The following DEPDC5 variants were observed in gnomAD, a reference collection of about 807,000 sequenced individuals.
The protein encoded by DEPDC5 is DEP domain containing 5, GATOR1 subcomplex subunit, also known as GATOR1 complex protein DEPDC5.
Under a neutral mutation model 217.3 loss-of-function variants are expected in DEPDC5, and 73 were observed. The ratio of observed to expected loss-of-function variants is 0.34; its 90% confidence interval spans 0.28 to 0.41. The LOEUF is 0.41. DEPDC5 is among the 10% of genes least tolerant of loss of function. The pLI is 1.00. For synonymous variants in DEPDC5, 733 were observed against 756.7 expected (o/e 0.97, Z 0.51); for missense variants, 1,675 against 2,070.1 (o/e 0.81, Z 3.70).
intron 38 of DEPDC5, among the ~76,000 whole-genome samples, chr22:31,886,967 C>CGT (rs2093330909): frequency 6.6e-6 from 1 of 151,756 alleles, no homozygotes; most frequent in Non-Finnish European, 1.5e-5. Context: ...CCTGTAATCC[C>CGT]AGCTACTCGG....
At chr22:31,808,435 ATTATTTT>A (rs2087823724) in intron 18 of DEPDC5, among the ~76,000 whole-genome samples, 1 of 148,236 alleles carries the variant, frequency 6.7e-6, no homozygotes, top group East Asian at 2.0e-4. Context: ...TAATTTTTGT[ATTATTTT>A]TTATTTTTTT....
At chr22:31,905,697 C>T (rs921784786) in intron 41 of DEPDC5, among the ~76,000 whole-genome samples, 2 of 151,778 alleles carry the variant, frequency 1.3e-5, no homozygotes, top group African/African-American at 2.4e-5. Context: ...AGAGTGCAGC[C>T]GGTGGGAAGG....
At chr22:31,893,887 CT>C (rs1361969283) in intron 39 of DEPDC5, 136 bp downstream of exon 39, 6 of 1,035,270 alleles carry the variant, frequency 5.8e-6, no homozygotes, top group East Asian at 3.2e-5. Flanking sequence ...TTGGAGTAAC[CT>C]TTTTAAAAAA....
chr22:31,783,795 A>T, intron 8 of DEPDC5, 112 bp from the exon 9 acceptor site: 1 of 838,272 alleles, frequency 1.2e-6, no homozygotes, highest in Non-Finnish European at 1.8e-6. Context: ...ATAGTTCAAT[A>T]GTGTTAAGAA....
chr22:31,844,891 G>C, intron 29 of DEPDC5, 127 bp from the exon 30 acceptor site: 1 of 930,780 alleles, frequency 1.1e-6, no homozygotes, highest in Non-Finnish European at 1.7e-6. Context: ...ATGAGCTGTA[G>C]CATCAAATGA....
At chr22:31,836,617 T>C (rs2148948251) in intron 25 of DEPDC5, among the ~76,000 whole-genome samples, 1 of 152,284 alleles carries the variant, frequency 6.6e-6, no homozygotes, top group African/African-American at 2.4e-5. Context: ...GGCTCGTGCT[T>C]GGGCCTCCCT....
intron 21 of DEPDC5, chr22:31,815,538 C>T (rs1354483980): frequency 1.6e-6 from 1 of 628,834 alleles, no homozygotes; most frequent in Non-Finnish European, 2.8e-6. Flanking sequence ...CATGCCACCA[C>T]ACCCAGCTGA....
intron 7 of DEPDC5, among the ~76,000 whole-genome samples, chr22:31,775,155 C>A (rs537972681): frequency 6.6e-6 from 1 of 151,972 alleles, no homozygotes; most frequent in East Asian, 1.9e-4. Context: ...CAGCATTTTC[C>A]TGGCTTTTAT....
In DEPDC5 at chr22:31,906,855, T is replaced by G; in HGVS notation, c.*358T>G. 1 of 384,914 alleles carries G rather than the reference T, an allele frequency of 2.6e-6. No homozygotes were observed. Among genetic ancestry groups the G allele is most frequent in the Non-Finnish European group, 4.8e-6 (1 of 208,324 alleles). 23.8% of individuals were successfully genotyped at this position (384,914 alleles called of 1,614,324 possible). A position where few individuals can be genotyped will look rare whatever the true frequency, so the allele number is the denominator to read the frequency against. The stretch of plus-strand genomic sequence containing the variant: ...GGGGGTGGCTCCTGGTAGCATCCTT[T>G]TCCTTCACCATCTATGGGATATTAG... On this transcript the variant is annotated 3_prime_UTR_variant, in exon 43 of 43. Coordinates refer to ENST00000651528, the MANE Select transcript of DEPDC5 (RefSeq NM_001242896.3). The surrounding 1 kb of genome is among the most constrained non-coding windows in gnomAD (Gnocchi z 5.1).
chr22:31,836,782 A>C, intron 25 of DEPDC5, 190 bp from the exon 26 acceptor site: 1 of 601,646 alleles, frequency 1.7e-6, no homozygotes, highest in Non-Finnish European at 3.0e-6. Flanking sequence ...TGTGCACTGC[A>C]TTGTCTAACA....
intron 23 of DEPDC5, 61 bp from the exon 24 acceptor site, chr22:31,822,632 G>A (rs1042974354): frequency 6.5e-7 from 1 of 1,541,712 alleles, no homozygotes. Context: ...GGATATAGGT[G>A]AGCAGGAAAA....
intron 7 of DEPDC5, among the ~76,000 whole-genome samples, chr22:31,769,948 A>G (rs964399198): frequency 1.3e-5 from 2 of 150,154 alleles, no homozygotes; most frequent in African/African-American, 4.9e-5. Flanking sequence ...AAAGTATTTC[A>G]GGTGCGGTGG....
intron 38 of DEPDC5, among the ~76,000 whole-genome samples, chr22:31,883,036 C>G (rs2093218327): frequency 6.6e-6 from 1 of 152,198 alleles, no homozygotes; most frequent in Admixed American, 6.5e-5. Flanking sequence ...GCACTACTGA[C>G]ATTTTGGGCC....
chr22:31,778,089 A>T lies in DEPDC5; in HGVS notation c.414-10A>T. 1 of 1,614,030 alleles carries T rather than the reference A, an allele frequency of 6.2e-7. No homozygotes were observed. The highest frequency in any genetic ancestry group is 1.1e-5 in the South Asian group (1 of 91,084). ...AAGACTTGTAATAACTTGTGTGTGT[A>T]TTCTTTCAGAGCACAGGCTGGTGAA... On this transcript the variant is annotated splice_polypyrimidine_tract_variant and intron_variant, in intron 7 of 42. Transcript: ENST00000651528.
chr22:31,890,050 G>C (rs940509192), intron 38 of DEPDC5, among the ~76,000 whole-genome samples: 1 of 152,146 alleles, frequency 6.6e-6, no homozygotes, highest in Non-Finnish European at 1.5e-5. Flanking sequence ...GAGACCAGCA[G>C]GAACAGAAGG....
At chr22:31,885,379 C>G (rs1043670759) in intron 38 of DEPDC5, among the ~76,000 whole-genome samples, 2 of 152,190 alleles carry the variant, frequency 1.3e-5, no homozygotes, top group Admixed American at 6.6e-5. Flanking sequence ...GCACTGTTCC[C>G]CAAAGATACC....
chr22:31,845,320 C>T (rs1159004158), intron 30 of DEPDC5, 83 bp downstream of exon 30: 3 of 1,498,854 alleles, frequency 2.0e-6, no homozygotes, highest in Non-Finnish European at 9.0e-7. Flanking sequence ...CTCTCATCAT[C>T]AGCCTACTTA....
At chr22:31,893,253 C>T (rs766555674) in intron 38 of DEPDC5, among the ~76,000 whole-genome samples, 5 of 152,030 alleles carry the variant, frequency 3.3e-5, no homozygotes, top group Non-Finnish European at 5.9e-5. Flanking sequence ...AGTTTAACCG[C>T]CCTAAAACTC....
chr22:31,763,076 C>T (rs1046866885), intron 4 of DEPDC5, among the ~76,000 whole-genome samples: 1 of 152,052 alleles, frequency 6.6e-6, no homozygotes, highest in Non-Finnish European at 1.5e-5. Context: ...CTGCAACCTC[C>T]GCCTCCTGGA....
Sources: allele counts gnomAD v4.1 joint callset (sites outside exome capture counted in the v4.1 genomes callset), GRCh38; gene constraint gnomAD v4.1.1; non-coding constraint Gnocchi (gnomAD v3.1); transcripts MANE v1.5; gene names NCBI Gene and HGNC (gene_info 2026-07-23, HGNC 2026-07-21).